The following TRERF1 variants were observed in gnomAD, a reference collection of about 807,000 sequenced individuals.
TRERF1 encodes transcriptional-regulating factor 1.
Under a neutral mutation model 122.9 loss-of-function variants are expected in TRERF1, and 27 were observed. That is an observed-to-expected ratio of 0.22 (90% CI 0.16 to 0.30). The LOEUF (loss-of-function observed/expected upper bound fraction) is 0.30. Among genes scored for constraint, TRERF1 ranks in the 10% least tolerant of loss-of-function variants. The pLI, the probability that TRERF1 is intolerant of heterozygous loss-of-function variation, is 1.00. For missense variants in TRERF1, 1,248 were observed against 1,560.3 expected, an observed-to-expected ratio of 0.80 and a Z score of 3.37; for synonymous variants, 636 against 641.7, an observed-to-expected ratio of 0.99 and a Z score of 0.13.
chr6:42,392,931 T>TACACACACACACACACAC lies in TRERF1; in HGVS notation c.-453-29870_-453-29853dup, dbSNP rs58784390. 1.7e-3 allele frequency among the ~76,000 whole-genome samples: 256 copies of TACACACACACACACACAC among 148,096 alleles called. 3 individuals carry two copies. Among genetic ancestry groups the TACACACACACACACACAC allele is most frequent in the African/African-American group, 6.0e-3 (239 of 39,800 alleles). Reference sequence around the variant, plus strand: ...CAGCACACACACACATACACACACATACACACACACACACACACACACACA... The same window carrying TACACACACACACACACAC: ...CAGCACACACACACATACACACACATACACACACACACACACACACACACACACACACACACACACACA... On this transcript the variant is annotated intron_variant, in intron 2 of 17. Transcript: ENST00000372922.
intron 3 of TRERF1, among the ~76,000 whole-genome samples, chr6:42,352,592 A>G (rs1215805282): frequency 1.3e-5 from 2 of 152,224 alleles, no homozygotes; most frequent in African/African-American, 4.8e-5. Context: ...CAAAGGAAAA[A>G]AAATCTAGAC....
At chr6:42,260,184 G>A (rs1383407900) in intron 8 of TRERF1, among the ~76,000 whole-genome samples, 2 of 151,964 alleles carry the variant, frequency 1.3e-5, no homozygotes, top group African/African-American at 4.8e-5. Flanking sequence ...AGGAAGTGGG[G>A]GTTCAAGCCT....
rs749620790 is a variant in TRERF1 at position 42,264,874 on chromosome 6, A to C, written c.1485-20T>G. On this transcript the variant is annotated intron_variant, in intron 6 of 17. Transcript: ENST00000372922. Reference sequence around the variant, plus strand: ...TGGCCACTGCTCAAGGGAAGAGTCAAATGGAGAGGACACATACGTTGAGGA... The same window carrying C: ...TGGCCACTGCTCAAGGGAAGAGTCACATGGAGAGGACACATACGTTGAGGA... 8.1e-6 allele frequency: 13 copies of C among 1,613,370 alleles called. No individual in the cohort carries two copies. Among genetic ancestry groups the C allele is most frequent in the Non-Finnish European group, 1.0e-5 (12 of 1,179,668 alleles).
intron 3 of TRERF1, among the ~76,000 whole-genome samples, chr6:42,305,236 A>G (rs1389325193): frequency 6.6e-6 from 1 of 152,128 alleles, no homozygotes; most frequent in Non-Finnish European, 1.5e-5. Flanking sequence ...GCCTCCTTAC[A>G]GGGGTAGAAA....
intron 3 of TRERF1, among the ~76,000 whole-genome samples, chr6:42,326,747 C>T (rs1001577121): frequency 6.6e-6 from 1 of 152,156 alleles, no homozygotes; most frequent in African/African-American, 2.4e-5. Flanking sequence ...TGATAGAAAG[C>T]AAAACAATGC....
intron 4 of TRERF1, among the ~76,000 whole-genome samples, chr6:42,270,299 C>T (rs1275013241): frequency 1.3e-5 from 2 of 152,230 alleles, no homozygotes; most frequent in African/African-American, 4.8e-5. Context: ...TTAACTCTCA[C>T]ATGAGATGCA....
At position 42,320,164 on chromosome 6, in the gene TRERF1, A is replaced by G. The variant is rs144859617; in HGVS notation, c.-370-19415T>C. Among the ~76,000 whole-genome samples the G allele has an allele frequency of 8.8e-3, 1,336 of 152,106 alleles. 15 individuals are homozygous for G. The highest frequency in any genetic ancestry group is 0.029 in the African/African-American group (1,217 of 41,516). Reference sequence around the variant, plus strand: ...GATCCACCTGGCGGCCTCCCAAAGTACTGGGATTACAGGCATGAGCCACCG... The same window carrying G: ...GATCCACCTGGCGGCCTCCCAAAGTGCTGGGATTACAGGCATGAGCCACCG... On this transcript the variant is annotated intron_variant, in intron 3 of 17. Coordinates refer to ENST00000372922, the Ensembl canonical transcript of TRERF1.
rs554402069 is a variant in TRERF1 at position 42,418,335 on chromosome 6, T to C, written c.-454+32842A>G. Among the ~76,000 whole-genome samples the C allele has an allele frequency of 6.9e-5, 10 of 144,846 alleles. No individual in the cohort carries two copies. The South Asian group carries it at 9.4e-4, about 14-fold the overall frequency. ...CCCCAGCTAGAGTTCAATGGCGCGA[T>C]CTTGGCTCACTGCAACCTCTGCCTC... On this transcript the variant is annotated intron_variant, in intron 2 of 17. Transcript: ENST00000372922.
Position 42,268,419 on chromosome 6 carries a change from T to C in TRERF1, c.1172A>G (p.Tyr391Cys), listed in dbSNP as rs1389842995. ...GTGCTGGGACAGGTGGCTCTGCTGG[T>C]AGAGGGGGTGGCTGTAGGGCTGCTG... Residue 391 changes from tyrosine to cysteine, a missense_variant, in exon 5 of 18, where the codon TAC (tyrosine) becomes TGC (cysteine). This residue lies in a region of TRERF1 where 946 missense variants were observed against 1,073.0 expected (regional missense o/e 0.88). Transcript: ENST00000372922. This position sits in a 1 kb window ranked among gnomAD's most constrained non-coding sequence, Gnocchi z 4.4. 8 of 1,561,398 alleles carry C rather than the reference T, an allele frequency of 5.1e-6. No homozygotes were observed. Among genetic ancestry groups the C allele is most frequent in the Non-Finnish European group, 6.9e-6 (8 of 1,153,722 alleles).
intron 4 of TRERF1, among the ~76,000 whole-genome samples, chr6:42,295,195 A>G (rs976329582): frequency 2.0e-5 from 3 of 152,196 alleles, no homozygotes; most frequent in African/African-American, 7.2e-5. Flanking sequence ...ATATTTGAGC[A>G]ATGCCTGGAA....
At chr6:42,420,699 A>C (rs1197840766) in intron 2 of TRERF1, among the ~76,000 whole-genome samples, 5 of 152,230 alleles carry the variant, frequency 3.3e-5, no homozygotes, top group Non-Finnish European at 7.3e-5. Context: ...ACAAACCTAA[A>C]TATGTTTAAT....
intron 4 of TRERF1, among the ~76,000 whole-genome samples, chr6:42,283,847 C>T (rs1432751062): frequency 6.6e-6 from 1 of 152,024 alleles, no homozygotes; most frequent in East Asian, 1.9e-4. Flanking sequence ...AACTCCCAAC[C>T]TCAGGCAATC....
intron 2 of TRERF1, among the ~76,000 whole-genome samples, chr6:42,436,840 T>C (rs1388832413): frequency 1.4e-5 from 2 of 141,300 alleles, no homozygotes; most frequent in African/African-American, 5.2e-5. Context: ...TATATATATA[T>C]ATATATATGA....
chr6:42,246,951 T>G (rs1774912714), intron 13 of TRERF1, among the ~76,000 whole-genome samples: 1 of 152,234 alleles, frequency 6.6e-6, no homozygotes, highest in African/African-American at 2.4e-5. Flanking sequence ...CAAGCATTCA[T>G]GTAGCAAGTA....
intron 3 of TRERF1, among the ~76,000 whole-genome samples, chr6:42,314,788 A>G (rs1360001664): frequency 6.6e-6 from 1 of 152,198 alleles, no homozygotes; most frequent in Non-Finnish European, 1.5e-5. Flanking sequence ...TGGTGGGTAC[A>G]TGCCGGATGT....
In TRERF1 at chr6:42,262,548, A is replaced by C. The variant is rs1208782030; in HGVS notation, c.1884+772T>G. 2.4e-4 allele frequency among the ~76,000 whole-genome samples: 26 copies of C among 106,514 alleles called. 1 individual carries two copies. Among genetic ancestry groups the C allele is most frequent in the East Asian group, 1.3e-3 (4 of 3,074 alleles). 69.9% of individuals were successfully genotyped at this position (106,514 alleles called of 152,430 possible). A position where few individuals can be genotyped will look rare whatever the true frequency, so the allele number is the denominator to read the frequency against. On this transcript the variant is annotated intron_variant, in intron 8 of 17. Transcript: ENST00000372922. Reference sequence around the variant, plus strand: ...GAGAGAGAGAGAGAGAGAGAGAGAGAGAGAGAGAGAGAGAGAGAGAGAGAG... The same window carrying C: ...GAGAGAGAGAGAGAGAGAGAGAGAGCGAGAGAGAGAGAGAGAGAGAGAGAG...
intron 4 of TRERF1, among the ~76,000 whole-genome samples, chr6:42,278,931 T>C (rs1781776007): frequency 6.6e-6 from 1 of 152,148 alleles, no homozygotes. Context: ...CAGACCAGCA[T>C]CTGTGTCCTG....
intron 2 of TRERF1, among the ~76,000 whole-genome samples, chr6:42,427,550 C>T (rs1783816253): frequency 8.1e-6 from 1 of 124,158 alleles, no homozygotes; most frequent in Non-Finnish European, 1.5e-5. Flanking sequence ...CTTGCCCTGC[C>T]TTACTTTTTT....
At chr6:42,373,483 C>T (rs151157619) in intron 2 of TRERF1, among the ~76,000 whole-genome samples, 4 of 151,736 alleles carry the variant, frequency 2.6e-5, no homozygotes, top group African/African-American at 7.3e-5. Context: ...CTGGCAAACA[C>T]AGTGAAACCC....
Sources: allele counts gnomAD v4.1 joint callset (sites outside exome capture counted in the v4.1 genomes callset), GRCh38; gene constraint gnomAD v4.1.1; regional missense constraint gnomAD v4.1.1; non-coding constraint Gnocchi (gnomAD v3.1); transcripts MANE v1.5; gene names NCBI Gene and HGNC (gene_info 2026-07-23, HGNC 2026-07-21).